The following SEPTIN9 variants were observed in gnomAD, a reference collection of about 807,000 sequenced individuals.
SEPTIN9 encodes septin-9.
In SEPTIN9, 13 loss-of-function variants were observed where a neutral mutation model predicts 56.6. The ratio of observed to expected loss-of-function variants is 0.23; its 90% CI spans 0.15 to 0.37. The LOEUF (loss-of-function observed/expected upper bound fraction) is 0.37. Ranked by LOEUF, SEPTIN9 falls within the 10% of genes least tolerant of loss-of-function variation. The pLI, the probability that SEPTIN9 is intolerant of heterozygous loss-of-function variation, is 1.00. For missense variants in SEPTIN9, 650 were observed against 823.1 expected, an observed-to-expected ratio of 0.79 and a Z score of 2.57; for synonymous variants, 332 against 334.1, an observed-to-expected ratio of 0.99 and a Z score of 0.07.
At position 77,321,728 on chromosome 17, in the gene SEPTIN9, C is replaced by A. The variant is rs529142809; in HGVS notation, c.76+14531C>A. Among the ~76,000 whole-genome samples the A allele has an allele frequency of 2.0e-5, 3 of 152,300 alleles. No individual in the cohort carries two copies. In the South Asian group the frequency reaches 6.2e-4, roughly 32 times the overall value. ...GATTGTCACGTTGGGACTGGTGGAG[C>A]GGGTGTGTGTTGTGCCGCTGAGCAC... On this transcript the variant is annotated intron_variant, in intron 2 of 11. Transcript: ENST00000427177.
intron 2 of SEPTIN9, among the ~76,000 whole-genome samples, chr17:77,356,571 GAC>G (rs1223239947): frequency 2.0e-5 from 3 of 149,388 alleles, no homozygotes; most frequent in African/African-American, 5.0e-5. Flanking sequence ...TAGAGAACTG[GAC>G]ACAGAGTCCA....
chr17:77,444,167 G>A (rs1382810116), intron 3 of SEPTIN9, among the ~76,000 whole-genome samples: 1 of 152,224 alleles, frequency 6.6e-6, no homozygotes, highest in Non-Finnish European at 1.5e-5. Context: ...TGGGAATTCA[G>A]GCTTGAAAAT....
chr17:77,378,679 G>A (rs988401941), intron 2 of SEPTIN9, among the ~76,000 whole-genome samples: 1 of 152,156 alleles, frequency 6.6e-6, no homozygotes, highest in South Asian at 2.1e-4. Context: ...TGCCAGTAGC[G>A]CCCGCCTGGG....
rs2032753406 is a variant in SEPTIN9 at position 77,317,487 on chromosome 17, G to A, written c.76+10290G>A. On this transcript the variant is annotated intron_variant, in intron 2 of 11. Coordinates refer to ENST00000427177, the MANE Select transcript of SEPTIN9 (RefSeq NM_001113491.2). The surrounding 1 kb of genome is among the most constrained non-coding windows in gnomAD (Gnocchi z 4.2). ...TAGGAGAGTGAACCGTATTGTGAAC[G>A]GCACATGTGAGGGATCTAGGTTGCG... Among the ~76,000 whole-genome samples the A allele has an allele frequency of 6.6e-6, 1 of 152,104 alleles. No individual in the cohort carries two copies. Among genetic ancestry groups the A allele is most frequent in the Non-Finnish European group, 1.5e-5 (1 of 68,028 alleles).
In SEPTIN9 at chr17:77,406,664, G is replaced by GT. The variant is rs1172644333; in HGVS notation, c.721+3971dup. 4.6e-3 allele frequency among the ~76,000 whole-genome samples: 654 copies of GT among 141,186 alleles called. 4 individuals carry two copies. The highest frequency in any genetic ancestry group is 6.8e-3 in the South Asian group (27 of 3,972). The allele number at this position is 141,186 out of a possible 152,430, so 92.6% of individuals were successfully genotyped here. Reference sequence around the variant, plus strand: ...GGCTGTTGTCTTTGTTTTTTTTTGTGTTTTTTTTTTGTTTTTTGTTTTTTG... The same window carrying GT: ...GGCTGTTGTCTTTGTTTTTTTTTGTGTTTTTTTTTTTGTTTTTTGTTTTTTG... On this transcript the variant is annotated intron_variant, in intron 3 of 11. Coordinates refer to ENST00000427177, the MANE Select transcript of SEPTIN9 (RefSeq NM_001113491.2).
Position 77,488,319 on chromosome 17 carries a change from C to T in SEPTIN9, c.1122C>T (p.Asn374=). Residue 374 remains asparagine, a splice_region_variant and synonymous_variant, in exon 6 of 12, where the codon AAC becomes AAT. Transcript: ENST00000427177. ...TCGGGGACCACATCAACAACGAGAA[C>T]TGGTGAGGCCCCTCCAGGGGGAGGA... ...PGFGDHINNE[N]CWQPIMKFIN... is the part of the protein sequence containing the mutation. The T allele has an allele frequency of 6.2e-7, 1 of 1,613,000 alleles. No individual in the cohort carries two copies. Among genetic ancestry groups the T allele is most frequent in the Non-Finnish European group, 8.5e-7 (1 of 1,179,292 alleles).
intron 8 of SEPTIN9, among the ~76,000 whole-genome samples, chr17:77,491,776 A>C (rs186851788): frequency 0.022 from 3,090 of 143,262 alleles, 105 homozygotes; most frequent in African/African-American, 0.077. Context: ...ACTGCACTCC[A>C]GCCTGGGTGA....
chr17:77,324,942 C>T (rs1230925828), intron 2 of SEPTIN9, among the ~76,000 whole-genome samples: 1 of 151,690 alleles, frequency 6.6e-6, no homozygotes, highest in Non-Finnish European at 1.5e-5. Flanking sequence ...CCTCAGCCTC[C>T]TGAGTAGTTG....
Position 77,320,190 on chromosome 17 carries a change from C to T in SEPTIN9, c.76+12993C>T, listed in dbSNP as rs1003155218. 6 of 1,585,310 alleles carry T rather than the reference C, an allele frequency of 3.8e-6. No individual in the cohort carries two copies. In the Admixed American group the frequency reaches 8.9e-5, roughly 24 times the overall value. On this transcript the variant is annotated intron_variant, in intron 2 of 11. Coordinates refer to ENST00000427177, the MANE Select transcript of SEPTIN9 (RefSeq NM_001113491.2). The stretch of plus-strand genomic sequence containing the variant: ...ATTGCAACAGATTGAAGAAATTAGA[C>T]CAGACAAAGAGTGTTTTTAGAGGAG...
chr17:77,476,049 A>G lies in SEPTIN9; in HGVS notation c.722-6095A>G. 1.1e-6 allele frequency: 1 copy of G among 897,730 alleles called. No individual in the cohort carries two copies. Among genetic ancestry groups the G allele is most frequent in the South Asian group, 1.6e-5 (1 of 62,506 alleles). The allele number at this position is 897,730 out of a possible 1,614,324, so 55.6% of individuals were successfully genotyped here. On this transcript the variant is annotated intron_variant, in intron 3 of 11. Coordinates refer to ENST00000427177, the MANE Select transcript of SEPTIN9 (RefSeq NM_001113491.2). This position sits in a 1 kb window ranked among gnomAD's most constrained non-coding sequence, Gnocchi z 6.0. ...GGCTGTCACTCCCCTGGAGCTGGGA[A>G]TGGCATTGGGCGGTGGCTCAGGGTC...
In SEPTIN9 at chr17:77,340,961, G is replaced by A. The variant is rs111744530; in HGVS notation, c.76+33764G>A. 3.9e-3 allele frequency among the ~76,000 whole-genome samples: 591 copies of A among 152,336 alleles called. 3 individuals carry two copies. Among genetic ancestry groups the A allele is most frequent in the African/African-American group, 0.014 (577 of 41,568 alleles). The stretch of plus-strand genomic sequence containing the variant: ...GCCTTCATACCATTGAAGAGAGTTA[G>A]GGCTTTGCCCTGGATTAGGCTTTTG... On this transcript the variant is annotated intron_variant, in intron 2 of 11. Coordinates refer to ENST00000427177, the MANE Select transcript of SEPTIN9 (RefSeq NM_001113491.2).
Position 77,421,879 on chromosome 17 carries a change from C to G in SEPTIN9, c.721+19176C>G, listed in dbSNP as rs1047035525. Among the ~76,000 whole-genome samples the G allele has an allele frequency of 6.6e-6, 1 of 151,032 alleles. No individual in the cohort carries two copies. Among genetic ancestry groups the G allele is most frequent in the Non-Finnish European group, 1.5e-5 (1 of 67,632 alleles). On this transcript the variant is annotated intron_variant, in intron 3 of 11. Transcript: ENST00000427177. The surrounding 1 kb of genome is among the most constrained non-coding windows in gnomAD (Gnocchi z 4.6). ...GTAGGGATTTTTTTTGAGACGGTCT[C>G]TCTCTGTCGCCCAGGCTGGAGTTCA...
intron 2 of SEPTIN9, among the ~76,000 whole-genome samples, chr17:77,308,406 G>A (rs1226111854): frequency 1.3e-5 from 2 of 152,240 alleles, no homozygotes; most frequent in African/African-American, 2.4e-5. Flanking sequence ...ATCTGGAGCC[G>A]CCACCTCCAT....
intron 4 of SEPTIN9, among the ~76,000 whole-genome samples, chr17:77,486,514 G>GTC (rs2039790088): frequency 1.0e-5 from 1 of 96,910 alleles, no homozygotes; most frequent in African/African-American, 6.4e-5. Flanking sequence ...GTGTGTGTGT[G>GTC]TGTGTGTGCG....
chr17:77,382,650 C>T (rs956107562), intron 2 of SEPTIN9, among the ~76,000 whole-genome samples: 3 of 152,226 alleles, frequency 2.0e-5, no homozygotes, highest in Non-Finnish European at 4.4e-5. Flanking sequence ...TTTGTAGCAG[C>T]GAGCTTTAAA....
rs1263067383 is a variant in SEPTIN9 at position 77,490,826 on chromosome 17, C to T, written c.1347C>T (p.Leu449=). The change falls in exon 8 of 12, where the codon CTC becomes CTT. Residue 449 remains leucine (L), a synonymous_variant. Transcript: ENST00000427177. ...CTGTCATCGCCAAGGCGGACACACTCACCCTGGAGGAGAGGGTCCACTTCA... is the reference window on the plus strand; with the variant it reads ...CTGTCATCGCCAAGGCGGACACACTTACCCTGGAGGAGAGGGTCCACTTCA... ...IVPVIAKADT[L]TLEERVHFKQ... is the part of the protein sequence containing the mutation. The T allele has an allele frequency of 6.3e-7, 1 of 1,592,086 alleles. No individual in the cohort carries two copies.
intron 1 of SEPTIN9, among the ~76,000 whole-genome samples, chr17:77,292,235 T>G (rs1248379602): frequency 6.6e-6 from 1 of 152,170 alleles, no homozygotes; most frequent in African/African-American, 2.4e-5. Context: ...CCACCTACCC[T>G]CTGCAGTCCC....
At position 77,450,863 on chromosome 17, in the gene SEPTIN9, G is replaced by C. The variant is rs553682761; in HGVS notation, c.722-31281G>C. On this transcript the variant is annotated intron_variant, in intron 3 of 11. Coordinates refer to ENST00000427177, the MANE Select transcript of SEPTIN9 (RefSeq NM_001113491.2). The surrounding 1 kb of genome is among the most constrained non-coding windows in gnomAD (Gnocchi z 6.0). The stretch of plus-strand genomic sequence containing the variant: ...CATGGTCCCAGCCAGCAAGCACCTG[G>C]GGTAGAGGGGACAAACCCAGGTGGC... The C allele has an allele frequency of 1.0e-6, 1 of 956,378 alleles. No homozygotes were observed. The highest frequency in any genetic ancestry group is 1.2e-6 in the Non-Finnish European group (1 of 803,480). The allele number at this position is 956,378 out of a possible 1,614,324, so 59.2% of individuals were successfully genotyped here.
chr17:77,466,088 ACACACACACACACACACACG>A (rs1213229071), intron 3 of SEPTIN9, among the ~76,000 whole-genome samples: 61 of 146,548 alleles, frequency 4.2e-4, no homozygotes, highest in South Asian at 1.1e-3. Context: ...ACACACACAC[ACACACACACACACACACACG>A]AGTAAACTGT....
Sources: gnomAD v4.1 joint callset for allele counts (sites outside exome capture counted in the v4.1 genomes callset) on GRCh38, gnomAD v4.1.1 for gene constraint, Gnocchi (gnomAD v3.1) non-coding constraint, MANE v1.5 for transcripts, NCBI Gene and HGNC (gene_info 2026-07-23, HGNC 2026-07-21) for gene names.